Variants in NTRK3 observed in about 807,000 individuals in gnomAD.
The protein encoded by NTRK3 is neurotrophic receptor tyrosine kinase 3.
Under a neutral mutation model 91.7 loss-of-function variants are expected in NTRK3, and 24 were observed. The ratio of observed to expected loss-of-function variants is 0.26; its 90% CI spans 0.19 to 0.37. The LOEUF is 0.37. NTRK3 is among the 10% of genes least tolerant of loss of function. The pLI, the probability that NTRK3 is intolerant of heterozygous loss-of-function variation, is 1.00. For missense variants in NTRK3, 880 were observed against 1,068.9 expected, an observed-to-expected ratio of 0.82 and a Z score of 2.46; for synonymous variants, 483 against 404.0, an observed-to-expected ratio of 1.20 and a Z score of -2.34.
At chr15:88,114,074 G>A (rs528117519) in intron 13 of NTRK3, among the ~76,000 whole-genome samples, 2 of 152,182 alleles carry the variant, frequency 1.3e-5, no homozygotes, top group Admixed American at 1.3e-4. Flanking sequence ...TGTGGCATGA[G>A]GCAACATTAT....
intron 13 of NTRK3, among the ~76,000 whole-genome samples, chr15:88,033,963 G>A (rs1357111721): frequency 6.6e-6 from 1 of 152,054 alleles, no homozygotes; most frequent in Non-Finnish European, 1.5e-5. Flanking sequence ...GATTCCATTG[G>A]TCTGGGGGTG....
At chr15:87,903,476 C>T (rs2066573699) in intron 17 of NTRK3, among the ~76,000 whole-genome samples, 1 of 152,204 alleles carries the variant, frequency 6.6e-6, no homozygotes. Flanking sequence ...CACTGCATTC[C>T]AGGCCCCTTT....
chr15:87,904,010 C>T (rs1407693253), intron 17 of NTRK3, among the ~76,000 whole-genome samples: 1 of 152,126 alleles, frequency 6.6e-6, no homozygotes, highest in African/African-American at 2.4e-5. Context: ...CTTGTGTACC[C>T]TGGACATGGA....
chr15:87,981,424 TGGGA>T (rs2074258870), intron 14 of NTRK3: 33 of 1,612,328 alleles, frequency 2.0e-5, no homozygotes, highest in Non-Finnish European at 2.7e-5. Context: ...GCAAAAAACA[TGGGA>T]AAGTATTTTT....
intron 14 of NTRK3, among the ~76,000 whole-genome samples, chr15:87,960,005 G>A (rs967687898): frequency 6.6e-6 from 1 of 152,220 alleles, no homozygotes; most frequent in East Asian, 1.9e-4. Flanking sequence ...AAGAAGTGGG[G>A]AGCAGACCCC....
chr15:88,114,021 A>G (rs1449801283), intron 13 of NTRK3, among the ~76,000 whole-genome samples: 2 of 152,020 alleles, frequency 1.3e-5, no homozygotes, highest in African/African-American at 4.8e-5. Context: ...CCCACCACCA[A>G]CAACAACCAC....
At chr15:87,977,808 C>T (rs761431895) in intron 14 of NTRK3, 4 of 232,332 alleles carry the variant, frequency 1.7e-5, no homozygotes, top group South Asian at 1.8e-4. Flanking sequence ...TTTGCAGAAT[C>T]GGGCTGGGAT....
At chr15:87,875,813 A>G (rs1355812205) in exon 19 of NTRK3, 2 of 232,510 alleles carry the variant, frequency 8.6e-6, no homozygotes, top group East Asian at 6.1e-5. Context: ...CTCAGTAGAG[A>G]CCCAGGAAGT....
chr15:87,884,302 A>T (rs2065413327), intron 17 of NTRK3, among the ~76,000 whole-genome samples: 1 of 151,684 alleles, frequency 6.6e-6, no homozygotes, highest in Admixed American at 6.6e-5. Flanking sequence ...TAAAAGTTAA[A>T]TAGAAAAGTT....
At chr15:87,966,670 A>G (rs1410701476) in intron 14 of NTRK3, among the ~76,000 whole-genome samples, 1 of 152,140 alleles carries the variant, frequency 6.6e-6, no homozygotes, top group African/African-American at 2.4e-5. Flanking sequence ...AGAGACCCGC[A>G]TGTGTCCTGG....
At chr15:88,198,889 A>T (rs1410745198) in intron 3 of NTRK3, among the ~76,000 whole-genome samples, 1 of 152,156 alleles carries the variant, frequency 6.6e-6, no homozygotes, top group Non-Finnish European at 1.5e-5. Context: ...CACTCCTCAG[A>T]GTCTCATCCT....
At chr15:88,218,205 T>C (rs1470523043) in intron 3 of NTRK3, among the ~76,000 whole-genome samples, 1 of 152,226 alleles carries the variant, frequency 6.6e-6, no homozygotes, top group African/African-American at 2.4e-5. Flanking sequence ...TGGGAGCATC[T>C]GCCTTTGCTA....
At chr15:87,984,607 C>T (rs1368857735) in intron 14 of NTRK3, among the ~76,000 whole-genome samples, 1 of 152,232 alleles carries the variant, frequency 6.6e-6, no homozygotes, top group African/African-American at 2.4e-5. Flanking sequence ...AGATTGCAAA[C>T]CTAACCCACA....
chr15:87,887,984 G>C (rs2065644761), intron 17 of NTRK3, among the ~76,000 whole-genome samples: 1 of 151,962 alleles, frequency 6.6e-6, no homozygotes, highest in South Asian at 2.1e-4. Flanking sequence ...GCTGAACCCT[G>C]AAAAAAGAGA....
intron 13 of NTRK3, among the ~76,000 whole-genome samples, chr15:88,088,463 G>T (rs1388355042): frequency 1.3e-5 from 2 of 152,034 alleles, no homozygotes; most frequent in African/African-American, 4.8e-5. Context: ...AAGGAGCATG[G>T]GAATGGTAAT....
chr15:87,898,121 G>C (rs1337422823), intron 17 of NTRK3, among the ~76,000 whole-genome samples: 1 of 152,196 alleles, frequency 6.6e-6, no homozygotes, highest in Non-Finnish European at 1.5e-5. Context: ...ATTTCTCAAT[G>C]ATTATGATCA....
exon 19 of NTRK3, chr15:87,875,617 G>A (rs1479319958): frequency 4.3e-6 from 1 of 232,720 alleles, no homozygotes; most frequent in Non-Finnish European, 8.5e-6. Flanking sequence ...CAGCTCAAAG[G>A]CAGATGCATC....
intron 13 of NTRK3, among the ~76,000 whole-genome samples, chr15:88,059,735 C>T (rs1169011616): frequency 6.6e-6 from 1 of 152,136 alleles, no homozygotes; most frequent in Non-Finnish European, 1.5e-5. Context: ...GTGACCCCCC[C>T]TAAAATTTAT....
At chr15:88,005,128 T>G (rs915805812) in intron 14 of NTRK3, among the ~76,000 whole-genome samples, 3 of 152,182 alleles carry the variant, frequency 2.0e-5, no homozygotes, top group Non-Finnish European at 4.4e-5. Context: ...TGGGTCTCTT[T>G]GCTCACTGGG....
Sources: allele counts gnomAD v4.1 joint callset (sites outside exome capture counted in the v4.1 genomes callset), GRCh38; gene constraint gnomAD v4.1.1; transcripts MANE v1.5; gene names NCBI Gene and HGNC (gene_info 2026-07-23, HGNC 2026-07-21).